ANKRD44: variants seen among roughly 807,000 people sequenced by gnomAD.
ANKRD44 encodes the protein serine/threonine-protein phosphatase 6 regulatory ankyrin repeat subunit B.
In ANKRD44, 35 loss-of-function variants were observed where a neutral mutation model predicts 116.0. That is an observed-to-expected ratio of 0.30 (90% CI 0.23 to 0.40). The LOEUF is 0.40. Among genes scored for constraint, ANKRD44 ranks in the 10% least tolerant of loss-of-function variants. The probability of loss-of-function intolerance (pLI) is 1.00; values close to 1 mark genes in which losing one functional copy is unlikely to be tolerated. For synonymous variants in ANKRD44, 435 were observed against 461.8 expected (o/e 0.94, Z 0.74); for missense variants, 1,014 against 1,242.6 (o/e 0.82, Z 2.77).
At chr2:196,969,406 C>A (rs1232738812) in intron 21 of ANKRD44, among the ~76,000 whole-genome samples, 1 of 152,032 alleles carries the variant, frequency 6.6e-6, no homozygotes, top group African/African-American at 2.4e-5. Flanking sequence ...TTTTCTTCTT[C>A]ATTTTCATTC....
intron 2 of ANKRD44, among the ~76,000 whole-genome samples, chr2:197,154,504 A>G (rs1012785121): frequency 3.3e-5 from 5 of 152,042 alleles, no homozygotes; most frequent in African/African-American, 9.6e-5. Context: ...ACTCCTTGCC[A>G]GTATGTTATG....
chr2:197,006,794 T>C (rs1355982927), intron 20 of ANKRD44, among the ~76,000 whole-genome samples: 1 of 152,114 alleles, frequency 6.6e-6, no homozygotes, highest in African/African-American at 2.4e-5. Context: ...GTTTACTTAG[T>C]TTATTTGGCA....
intron 8 of ANKRD44, among the ~76,000 whole-genome samples, chr2:197,119,045 C>T (rs935614268): frequency 6.6e-6 from 1 of 152,028 alleles, no homozygotes; most frequent in Non-Finnish European, 1.5e-5. Context: ...TTTGTATGAG[C>T]TCTTTTTATA....
At chr2:197,122,155 C>T (rs964061612) in intron 7 of ANKRD44, among the ~76,000 whole-genome samples, 2 of 152,100 alleles carry the variant, frequency 1.3e-5, no homozygotes, top group African/African-American at 4.8e-5. Context: ...TATGGTTTTC[C>T]ATAATGATGC....
chr2:197,260,237 C>T (rs1251410975), intron 1 of ANKRD44, among the ~76,000 whole-genome samples: 1 of 151,990 alleles, frequency 6.6e-6, no homozygotes, highest in Non-Finnish European at 1.5e-5. Context: ...TCCCCACTCC[C>T]CCCACTCCAC....
At chr2:196,998,220 G>C in intron 25 of ANKRD44, 117 bp downstream of exon 25, 1 of 754,456 alleles carries the variant, frequency 1.3e-6, no homozygotes, top group African/African-American at 1.8e-5. Context: ...AAGACCCTGG[G>C]AAAATGTACA....
intron 10 of ANKRD44, among the ~76,000 whole-genome samples, chr2:197,097,679 T>C (rs2078193064): frequency 6.6e-6 from 1 of 152,208 alleles, no homozygotes; most frequent in African/African-American, 2.4e-5. Context: ...TGCAAGAGGC[T>C]GCCAAGTGTT....
intron 17 of ANKRD44, among the ~76,000 whole-genome samples, chr2:197,024,805 CA>C (rs1423562933): frequency 6.6e-6 from 1 of 152,206 alleles, no homozygotes; most frequent in Non-Finnish European, 1.5e-5. Context: ...CTGTGGTATT[CA>C]ATTAGCCATA....
chr2:197,000,484 A>G lies in ANKRD44; in HGVS notation c.2454T>C (p.Asn818=). ...TGGCCCCAAGCAGCAATGATGCACA[A>G]TTCCCATGATCATTGATTCTAAAAT... is the stretch of plus-strand genomic sequence containing the variant. The part of the protein sequence containing the change: ...LHCAIINDHG[N]CASLLLGAID... Residue 818 remains asparagine, a synonymous_variant, in exon 23 of 28, where the codon AAT becomes AAC. Coordinates refer to ENST00000282272, the MANE Select transcript of ANKRD44 (RefSeq NM_001195144.2). The G allele has an allele frequency of 6.2e-7, 1 of 1,614,006 alleles. No individual in the cohort carries two copies. The highest frequency in any genetic ancestry group is 1.7e-5 in the Admixed American group (1 of 60,022).
At chr2:197,309,744 T>G (rs1403712769) in intron 1 of ANKRD44, among the ~76,000 whole-genome samples, 1 of 152,156 alleles carries the variant, frequency 6.6e-6, no homozygotes, top group African/African-American at 2.4e-5. Flanking sequence ...GCAACTTGGT[T>G]TGGTGCCTGT....
intron 1 of ANKRD44, among the ~76,000 whole-genome samples, chr2:197,229,709 G>C (rs1294583988): frequency 6.6e-6 from 1 of 152,116 alleles, no homozygotes; most frequent in Non-Finnish European, 1.5e-5. Flanking sequence ...TACTGTTCTT[G>C]TTCCTGAAGA....
chr2:197,063,506 A>G (rs2077363422), intron 16 of ANKRD44, among the ~76,000 whole-genome samples: 1 of 152,236 alleles, frequency 6.6e-6, no homozygotes, highest in Non-Finnish European at 1.5e-5. Flanking sequence ...AACTTCTCCC[A>G]GCTAAAGGAG....
At chr2:197,219,126 G>A (rs2081525004) in intron 1 of ANKRD44, among the ~76,000 whole-genome samples, 1 of 147,732 alleles carries the variant, frequency 6.8e-6, no homozygotes, top group Non-Finnish European at 1.5e-5. Flanking sequence ...CTGGAGTGCA[G>A]TGGTGCGATC....
Position 197,089,963 on chromosome 2 carries a change from C to T in ANKRD44, c.1170G>A (p.Lys390=), listed in dbSNP as rs1574434960. The change falls in exon 11 of 28, where the codon AAG becomes AAA. Residue 390 remains lysine (K), a synonymous_variant. Transcript: ENST00000282272. ...ALNAHSDCCR[K]LLSSGFEIDT... ...AGATTTACTTACCCGATGATAACAA[C>T]TTTCTGCAGCAGTCAGAGTGAGCAT... 3 of 1,613,992 alleles carry T rather than the reference C, an allele frequency of 1.9e-6. No individual in the cohort carries two copies. Among genetic ancestry groups the T allele is most frequent in the Non-Finnish European group, 2.5e-6 (3 of 1,179,878 alleles).
chr2:197,232,281 G>A (rs1383527207), intron 1 of ANKRD44, among the ~76,000 whole-genome samples: 3 of 152,094 alleles, frequency 2.0e-5, no homozygotes, highest in Non-Finnish European at 2.9e-5. Flanking sequence ...CATTTGATCC[G>A]AGCCCTGTAT....
chr2:197,142,460 C>T (rs1278400793), intron 3 of ANKRD44, among the ~76,000 whole-genome samples: 3 of 151,832 alleles, frequency 2.0e-5, no homozygotes, highest in Non-Finnish European at 1.5e-5. Context: ...TTTTAACAAA[C>T]CAAATCATAC....
intron 10 of ANKRD44, among the ~76,000 whole-genome samples, chr2:197,093,099 A>C (rs888134104): frequency 1.4e-5 from 2 of 144,462 alleles, no homozygotes; most frequent in African/African-American, 2.5e-5. Context: ...AATACATACA[A>C]ACACACACAC....
chr2:196,973,168 A>G (rs1479404722), intron 21 of ANKRD44, among the ~76,000 whole-genome samples: 2 of 152,080 alleles, frequency 1.3e-5, no homozygotes, highest in Non-Finnish European at 1.5e-5. Flanking sequence ...ATTATCTTTG[A>G]TTTGGATTTC....
intron 21 of ANKRD44, among the ~76,000 whole-genome samples, chr2:196,971,216 T>C (rs1162113191): frequency 6.6e-6 from 1 of 152,226 alleles, no homozygotes; most frequent in Non-Finnish European, 1.5e-5. Flanking sequence ...ATAACTTTGC[T>C]TGTGATCATA....
Sources: allele counts gnomAD v4.1 joint callset (sites outside exome capture counted in the v4.1 genomes callset), GRCh38; gene constraint gnomAD v4.1.1; transcripts MANE v1.5; gene names NCBI Gene and HGNC (gene_info 2026-07-23, HGNC 2026-07-21).